Variants in SYT10 observed in about 807,000 individuals in gnomAD.
SYT10 encodes the protein synaptotagmin-10.
A neutral mutation model predicts 51.1 loss-of-function variants in SYT10; 31 were observed. The ratio of observed to expected loss-of-function variants is 0.61; its 90% CI spans 0.46 to 0.82. SYT10 has a LOEUF of 0.82. SYT10 is among the 40% of genes least tolerant of loss of function. SYT10 has a pLI of 0.00. For synonymous variants in SYT10, 233 were observed against 225.9 expected (o/e 1.03, Z -0.28); for missense variants, 603 against 634.0 (o/e 0.95, Z 0.53).
intron 2 of SYT10, 103 bp from the exon 3 acceptor site, chr12:33,407,459 A>C (rs1866369112): frequency 8.2e-7 from 1 of 1,215,652 alleles, no homozygotes; most frequent in East Asian, 2.4e-5. Context: ...AATAGTGAAA[A>C]GATATCTATA....
intron 1 of SYT10, among the ~76,000 whole-genome samples, chr12:33,433,393 C>T (rs1031228128): frequency 2.0e-5 from 3 of 152,086 alleles, no homozygotes; most frequent in Non-Finnish European, 4.4e-5. Flanking sequence ...GAAAATACAG[C>T]ACACAAGATT....
At chr12:33,429,229 T>G (rs1231586656) in intron 1 of SYT10, among the ~76,000 whole-genome samples, 1 of 152,218 alleles carries the variant, frequency 6.6e-6, no homozygotes, top group Admixed American at 6.5e-5. Flanking sequence ...AAGAGAATAG[T>G]TCTGGATGCC....
Position 33,390,565 on chromosome 12 carries a change from C to CCT in SYT10, c.1078-5276_1078-5275dup, listed in dbSNP as rs201830382. ...TGCTCCCACAACCCAAAAACTCCACCCTCTATATATATATAAAATAAATAA... is the reference window on the plus strand; with the variant it reads ...TGCTCCCACAACCCAAAAACTCCACCCTCTCTATATATATATAAAATAAATAA... On this transcript the variant is annotated intron_variant, in intron 3 of 6. Transcript: ENST00000228567. 0.013 allele frequency among the ~76,000 whole-genome samples: 1,562 copies of CCT among 119,102 alleles called. 75 individuals are homozygous for CCT. In the East Asian group the frequency reaches 0.3, roughly 23 times the overall value. 78.1% of individuals were successfully genotyped at this position (119,102 alleles called of 152,430 possible).
chr12:33,404,071 T>C (rs1198818260), intron 3 of SYT10, among the ~76,000 whole-genome samples: 1 of 152,214 alleles, frequency 6.6e-6, no homozygotes, highest in Non-Finnish European at 1.5e-5. Flanking sequence ...AATTCTGAAA[T>C]GAGAATGTCT....
intron 3 of SYT10, among the ~76,000 whole-genome samples, chr12:33,388,517 A>C (rs1591983076): frequency 6.6e-6 from 1 of 152,324 alleles, no homozygotes; most frequent in East Asian, 1.9e-4. Flanking sequence ...GGGGCAAATA[A>C]CCATTTGAAA....
Position 33,385,235 on chromosome 12 carries a change from C to T in SYT10, c.1134G>A (p.Gly378=), listed in dbSNP as rs889043823. 4 of 1,613,596 alleles carry T rather than the reference C, an allele frequency of 2.5e-6. No homozygotes were observed. In the African/African-American group the frequency reaches 4.0e-5, roughly 16 times the overall value. The part of the protein sequence containing the change: ...MFSLCYLPTA[G]RMTLTVIKCR... The stretch of plus-strand genomic sequence containing the variant: ...ACTTAATGACTGTCAATGTCATACG[C>T]CCAGCCGTCGGTAGGTAACAAAGGG... The change falls in exon 4 of 7, where the codon GGG becomes GGA. Residue 378 remains glycine (G), a synonymous_variant. Transcript: ENST00000228567.
intron 6 of SYT10, among the ~76,000 whole-genome samples, chr12:33,379,424 A>G (rs1479666106): frequency 6.6e-6 from 1 of 151,942 alleles, no homozygotes; most frequent in Non-Finnish European, 1.5e-5. Flanking sequence ...TTATTTAGGG[A>G]TTGTGGAACA....
intron 2 of SYT10, among the ~76,000 whole-genome samples, chr12:33,411,021 C>T (rs1866400460): frequency 6.6e-6 from 1 of 152,060 alleles, no homozygotes; most frequent in Admixed American, 6.6e-5. Context: ...TATTATGTTC[C>T]CAAATGAGGA....
At position 33,376,124 on chromosome 12, in the gene SYT10, A is replaced by C. The variant is rs543728666; in HGVS notation, c.*706T>G. On this transcript the variant is annotated 3_prime_UTR_variant, in exon 7 of 7. Coordinates refer to ENST00000228567, the MANE Select transcript of SYT10 (RefSeq NM_198992.4). ...ATTTGAGCTAATGTTACAGTAAAAC[A>C]GTGTAAAATGGTAGCCACAATGGCT... 2 of 152,324 alleles carry C rather than the reference A, an allele frequency of 1.3e-5. No homozygotes were observed. The highest frequency in any genetic ancestry group is 4.1e-4 in the South Asian group (2 of 4,830). 9.4% of individuals were successfully genotyped at this position (152,324 alleles called of 1,614,324 possible). A position where few individuals can be genotyped will look rare whatever the true frequency, so the allele number is the denominator to read the frequency against.
Position 33,374,972 on chromosome 12 carries a change from A to G in SYT10, c.*1858T>C, listed in dbSNP as rs1045873885. The G allele has an allele frequency of 2.0e-5, 3 of 152,024 alleles. No individual in the cohort carries two copies. The highest frequency in any genetic ancestry group is 4.4e-5 in the Non-Finnish European group (3 of 67,920). 9.4% of individuals were successfully genotyped at this position (152,024 alleles called of 1,614,324 possible). ...TGTCTCCAAAAATGTCATTCTATTAATAGTATAACTTTTTGTCTTCCTATT... is the reference window on the plus strand; with the variant it reads ...TGTCTCCAAAAATGTCATTCTATTAGTAGTATAACTTTTTGTCTTCCTATT... On this transcript the variant is annotated 3_prime_UTR_variant, in exon 7 of 7. Transcript: ENST00000228567.
At chr12:33,415,728 A>C (rs1866447398) in intron 2 of SYT10, among the ~76,000 whole-genome samples, 1 of 152,226 alleles carries the variant, frequency 6.6e-6, no homozygotes, top group South Asian at 2.1e-4. Context: ...TCTGGTAAAC[A>C]AAGTTTTTAT....
intron 3 of SYT10, 78 bp from the exon 4 acceptor site, chr12:33,385,369 T>C: frequency 6.5e-7 from 1 of 1,540,084 alleles, no homozygotes; most frequent in South Asian, 1.2e-5. Context: ...AGTAGAATAC[T>C]GGAATGTCAT....
rs1337748611 is a variant in SYT10 at position 33,379,744 on chromosome 12, T to A, written c.1500+88A>T. ...ATTTTTTTTAACAAGGGTGAATACA[T>A]AAAATATCAGATAAAGGTTAGCAAA... On this transcript the variant is annotated intron_variant, in intron 6 of 6. Coordinates refer to ENST00000228567, the MANE Select transcript of SYT10 (RefSeq NM_198992.4). 6 of 1,515,082 alleles carry A rather than the reference T, an allele frequency of 4.0e-6. No individual in the cohort carries two copies. The African/African-American group carries it at 8.4e-5, about 21-fold the overall frequency. 93.9% of individuals were successfully genotyped at this position (1,515,082 alleles called of 1,614,324 possible).
chr12:33,430,552 A>G lies in SYT10; in HGVS notation c.152-4057T>C, dbSNP rs183242421. ...CCAATTTCTGCATGATCATGCAATT[A>G]CTACTGCTTGAATTGATATTCTCCT... On this transcript the variant is annotated intron_variant, in intron 1 of 6. Coordinates refer to ENST00000228567, the MANE Select transcript of SYT10 (RefSeq NM_198992.4). Among the ~76,000 whole-genome samples, 127 of 152,284 alleles carry G rather than the reference A, an allele frequency of 8.3e-4. 1 individual carries two copies. Among genetic ancestry groups the G allele is most frequent in the Middle Eastern group, 3.4e-3 (1 of 294 alleles).
chr12:33,404,030 T>C (rs1408020595), intron 3 of SYT10, among the ~76,000 whole-genome samples: 2 of 152,228 alleles, frequency 1.3e-5, no homozygotes, highest in Non-Finnish European at 2.9e-5. Flanking sequence ...AGAATACATT[T>C]TATTTTCTGC....
At chr12:33,434,372 T>C (rs1866620662) in intron 1 of SYT10, among the ~76,000 whole-genome samples, 1 of 152,238 alleles carries the variant, frequency 6.6e-6, no homozygotes, top group African/African-American at 2.4e-5. Flanking sequence ...TATTAGATAC[T>C]GGTGACACAA....
intron 3 of SYT10, among the ~76,000 whole-genome samples, chr12:33,391,275 A>G (rs1866204680): frequency 6.6e-6 from 1 of 151,728 alleles, no homozygotes; most frequent in South Asian, 2.1e-4. Flanking sequence ...TTGTTTTGTA[A>G]ATGTTTTCTA....
At chr12:33,394,203 T>C (rs1158545658) in intron 3 of SYT10, among the ~76,000 whole-genome samples, 2 of 152,184 alleles carry the variant, frequency 1.3e-5, no homozygotes, top group Admixed American at 6.5e-5. Flanking sequence ...ATGATAGATA[T>C]TGAAAAATCT....
At chr12:33,389,260 G>A (rs1332439126) in intron 3 of SYT10, among the ~76,000 whole-genome samples, 1 of 152,130 alleles carries the variant, frequency 6.6e-6, no homozygotes, top group East Asian at 1.9e-4. Flanking sequence ...AGAGTGGAAA[G>A]GGCGTAGGTT....
Sources: gnomAD v4.1 joint callset for allele counts (sites outside exome capture counted in the v4.1 genomes callset) on GRCh38, gnomAD v4.1.1 for gene constraint, MANE v1.5 for transcripts, NCBI Gene and HGNC (gene_info 2026-07-23, HGNC 2026-07-21) for gene names.